DPP10: variants seen among roughly 807,000 people sequenced by gnomAD.
DPP10 encodes inactive dipeptidyl peptidase 10.
Under a neutral mutation model 120.9 loss-of-function variants are expected in DPP10, and 33 were observed. That is an observed-to-expected ratio of 0.27 (90% CI 0.21 to 0.37). The LOEUF (loss-of-function observed/expected upper bound fraction) is 0.37, where lower values mean the gene tolerates loss of function less well. DPP10 is among the 10% of genes least tolerant of loss of function. The probability of loss-of-function intolerance (pLI) is 1.00; values close to 1 mark genes in which losing one functional copy is unlikely to be tolerated. For missense variants in DPP10, 816 were observed against 942.8 expected (o/e 0.87, Z 1.76); for synonymous variants, 337 against 326.1 (o/e 1.03, Z -0.36).
chr2:115,066,665 T>A (rs1411863731), intron 1 of DPP10: 1 of 152,194 alleles, frequency 6.6e-6, no homozygotes, highest in African/African-American at 2.4e-5. Context: ...CACAGATAAT[T>A]ACTGGGAACC....
At chr2:115,167,420 C>G (rs2052968286) in intron 1 of DPP10, among the ~76,000 whole-genome samples, 1 of 150,856 alleles carries the variant, frequency 6.6e-6, no homozygotes, top group African/African-American at 2.4e-5. Flanking sequence ...AAACAAAAAA[C>G]AAAAAAGAAA....
At chr2:114,699,870 T>C (rs1700285850) in intron 1 of DPP10, among the ~76,000 whole-genome samples, 1 of 152,016 alleles carries the variant, frequency 6.6e-6, no homozygotes, top group Non-Finnish European at 1.5e-5. Context: ...TGGGAGAGTA[T>C]GTGTCTATTT....
intron 1 of DPP10, among the ~76,000 whole-genome samples, chr2:114,899,119 A>G (rs1211032013): frequency 1.3e-5 from 2 of 151,904 alleles, no homozygotes; most frequent in African/African-American, 2.4e-5. Context: ...ATGAATAGAT[A>G]GCTACCTAAG....
chr2:115,375,571 G>T (rs1189679783), intron 3 of DPP10, among the ~76,000 whole-genome samples: 1 of 152,094 alleles, frequency 6.6e-6, no homozygotes, highest in African/African-American at 2.4e-5. Context: ...TATCTTTATA[G>T]CAGTCTCCCA....
intron 1 of DPP10, among the ~76,000 whole-genome samples, chr2:115,285,077 A>G (rs1020988262): frequency 6.6e-6 from 1 of 152,002 alleles, no homozygotes; most frequent in African/African-American, 2.4e-5. Context: ...AGGCCCCACA[A>G]CACTCTGAAG....
At chr2:115,161,378 C>T (rs2052324464) in intron 1 of DPP10, 1 of 152,198 alleles carries the variant, frequency 6.6e-6, no homozygotes, top group South Asian at 2.1e-4. Context: ...GCGCGCTCCG[C>T]TTCTCCGGGT....
chr2:115,762,224 G>T (rs1212167779), intron 11 of DPP10, among the ~76,000 whole-genome samples: 6 of 152,090 alleles, frequency 3.9e-5, no homozygotes, highest in African/African-American at 1.4e-4. Flanking sequence ...TAATAATTTT[G>T]TCTCCCAATG....
intron 1 of DPP10, among the ~76,000 whole-genome samples, chr2:115,199,162 T>A (rs1286727069): frequency 6.6e-6 from 1 of 152,176 alleles, no homozygotes; most frequent in African/African-American, 2.4e-5. Context: ...AAACCTGTAA[T>A]TAAATTTTTA....
At chr2:115,246,991 G>A (rs1472612543) in intron 1 of DPP10, among the ~76,000 whole-genome samples, 1 of 152,060 alleles carries the variant, frequency 6.6e-6, no homozygotes, top group African/African-American at 2.4e-5. Context: ...AAAGACCTAC[G>A]TCAGTTTTCC....
At chr2:115,626,210 A>G (rs1378136791) in intron 5 of DPP10, among the ~76,000 whole-genome samples, 1 of 151,964 alleles carries the variant, frequency 6.6e-6, no homozygotes, top group Non-Finnish European at 1.5e-5. Context: ...AATTATAAAA[A>G]TATCCTATAT....
chr2:114,888,130 G>C (rs572418299), intron 1 of DPP10, among the ~76,000 whole-genome samples: 1 of 144,018 alleles, frequency 6.9e-6, no homozygotes, highest in South Asian at 2.2e-4. Flanking sequence ...GCGACAGAGC[G>C]AGCCTCCGTC....
At chr2:114,740,501 G>GTA (rs70937302) in intron 1 of DPP10, among the ~76,000 whole-genome samples, 2 of 150,866 alleles carry the variant, frequency 1.3e-5, no homozygotes, top group African/African-American at 4.9e-5. Flanking sequence ...AAAACTTAAA[G>GTA]TAATAATAAA....
intron 1 of DPP10, among the ~76,000 whole-genome samples, chr2:114,512,004 A>G (rs1156251728): frequency 6.6e-6 from 1 of 152,246 alleles, no homozygotes; most frequent in Non-Finnish European, 1.5e-5. Context: ...AATAATCTTT[A>G]AAGATCTGCA....
At chr2:115,778,328 G>A (rs551569120) in intron 15 of DPP10, among the ~76,000 whole-genome samples, 2 of 151,922 alleles carry the variant, frequency 1.3e-5, no homozygotes, top group African/African-American at 4.8e-5. Context: ...GCAGGAGGAG[G>A]CATCCTTATT....
intron 1 of DPP10, among the ~76,000 whole-genome samples, chr2:114,905,411 C>T (rs9646928): frequency 0.51 from 76,902 of 151,830 alleles, 19,991 homozygotes; most frequent in African/African-American, 0.64. Context: ...TAATTTATTC[C>T]TAAGTATTTT....
chr2:115,296,437 C>A (rs544515176), intron 1 of DPP10, among the ~76,000 whole-genome samples: 1 of 152,138 alleles, frequency 6.6e-6, no homozygotes, highest in African/African-American at 2.4e-5. Flanking sequence ...GCAATTACAA[C>A]CTTTAACCAC....
At chr2:115,266,598 G>A (rs927537515) in intron 1 of DPP10, among the ~76,000 whole-genome samples, 1 of 152,138 alleles carries the variant, frequency 6.6e-6, no homozygotes, top group African/African-American at 2.4e-5. Context: ...ATTATTCCAA[G>A]CATCCAATGT....
intron 1 of DPP10, chr2:115,234,396 A>C (rs1176280249): frequency 1.9e-5 from 3 of 158,644 alleles, no homozygotes; most frequent in African/African-American, 4.8e-5. Flanking sequence ...TTCACAATTT[A>C]TAAAGCACTG....
intron 5 of DPP10, among the ~76,000 whole-genome samples, chr2:115,643,403 A>G (rs909945175): frequency 9.2e-5 from 14 of 152,164 alleles, no homozygotes; most frequent in Admixed American, 7.9e-4. Context: ...GCAGCATGAA[A>G]AATTGTAGAG....
Sources: gnomAD v4.1 joint callset for allele counts (sites outside exome capture counted in the v4.1 genomes callset) on GRCh38, gnomAD v4.1.1 for gene constraint, MANE v1.5 for transcripts, NCBI Gene and HGNC (gene_info 2026-07-23, HGNC 2026-07-21) for gene names.